Variants in ZNF469 observed in about 807,000 individuals in gnomAD.
The protein encoded by ZNF469 is zinc finger protein 469.
A neutral mutation model predicts 1.0 loss-of-function variants in ZNF469; 1 was observed. That is an observed-to-expected ratio of 1.00 (90% CI 0.35 to 4.73). The LOEUF is 4.73. Among genes scored for constraint, ZNF469 ranks in the 30% most tolerant of loss-of-function variants. The pLI is 0.16. For missense variants in ZNF469, 6,100 were observed against 5,356.3 expected (o/e 1.14, Z -4.33); for synonymous variants, 2,703 against 2,363.4 (o/e 1.14, Z -4.17).
intron 1 of ZNF469, among the ~76,000 whole-genome samples, chr16:88,410,341 G>A (rs1050483719): frequency 1.3e-5 from 2 of 151,754 alleles, no homozygotes; most frequent in African/African-American, 2.4e-5. Flanking sequence ...TCACAGTAAC[G>A]TCTATGATGC....
the ZNF469 span, among the ~76,000 whole-genome samples, chr16:88,313,943 C>G: frequency 6.7e-6 from 1 of 149,272 alleles, no homozygotes; most frequent in South Asian, 2.1e-4. Flanking sequence ...TGTGGGCTGT[C>G]TCTGTAATTA....
At chr16:88,253,711 G>A in the ZNF469 span, among the ~76,000 whole-genome samples, 1 of 151,908 alleles carries the variant, frequency 6.6e-6, no homozygotes, top group Admixed American at 6.6e-5. Context: ...GCTAATTTTT[G>A]TATTTTTAGT....
chr16:88,210,367 T>G, the ZNF469 span, among the ~76,000 whole-genome samples: 7 of 152,106 alleles, frequency 4.6e-5, no homozygotes, highest in Non-Finnish European at 4.4e-5. Flanking sequence ...GCGGTATTTT[T>G]TAACCATGGA....
chr16:88,383,611 CG>C (rs915535659), intron 1 of ZNF469, among the ~76,000 whole-genome samples: 22 of 150,372 alleles, frequency 1.5e-4, no homozygotes, highest in African/African-American at 5.3e-4. Flanking sequence ...GCTCGGGGAG[CG>C]GGACCTCCGG....
chr16:88,231,614 A>G, the ZNF469 span, among the ~76,000 whole-genome samples: 6 of 152,070 alleles, frequency 3.9e-5, no homozygotes, highest in African/African-American at 1.2e-4. The surrounding 1 kb of genome is among the most constrained non-coding windows in gnomAD (Gnocchi z 4.5). Context: ...TCCTCGGCTC[A>G]TGGCCCTTCC....
chr16:88,437,107 G>T lies in ZNF469; in HGVS notation c.9637G>T (p.Asp3213Tyr). The change falls in exon 3 of 3, where the codon GAC becomes TAC. Residue 3213 changes from aspartate to tyrosine, a missense_variant. Asp to Tyr is a radical substitution (Grantham distance 160). Coordinates refer to ENST00000565624, the MANE Select transcript of ZNF469 (RefSeq NM_001367624.2). The part of the protein sequence containing the change: ...RRGQARRSLG[D>Y]LPGGLEGSSA... ...GGGGCAGGCGCGGAGGTCCTTGGGG[G>T]ACCTGCCCGGAGGCCTGGAGGGCAG... 1.3e-6 allele frequency: 2 copies of T among 1,547,238 alleles called. No homozygotes were observed. Among genetic ancestry groups the T allele is most frequent in the South Asian group, 1.2e-5 (1 of 84,014 alleles).
the ZNF469 span, among the ~76,000 whole-genome samples, chr16:88,119,353 G>A: frequency 6.6e-6 from 1 of 152,208 alleles, no homozygotes; most frequent in East Asian, 1.9e-4. Flanking sequence ...GCAGAAGCCT[G>A]GCCGTCCGCA....
intron 1 of ZNF469, among the ~76,000 whole-genome samples, chr16:88,420,617 G>A (rs1428909114): frequency 6.6e-6 from 1 of 152,164 alleles, no homozygotes; most frequent in Non-Finnish European, 1.5e-5. Context: ...ATGGAGACAC[G>A]CCCGAGGAGT....
the ZNF469 span, among the ~76,000 whole-genome samples, chr16:88,164,834 T>G: frequency 1.3e-5 from 2 of 152,166 alleles, no homozygotes; most frequent in East Asian, 3.8e-4. Flanking sequence ...GACTGAATAG[T>G]GCATGAGTCC....
chr16:88,381,058 TCTCA>T (rs1341740104), upstream of ZNF469, among the ~76,000 whole-genome samples: 6 of 59,866 alleles, frequency 1.0e-4, no homozygotes, highest in African/African-American at 2.7e-4. Flanking sequence ...ACAGACACGC[TCTCA>T]CACACAGGCA....
intron 1 of ZNF469, among the ~76,000 whole-genome samples, chr16:88,396,324 C>T (rs2142268846): frequency 6.6e-6 from 1 of 152,364 alleles, no homozygotes. Context: ...CAGCTCCAAA[C>T]TCAAGAGACC....
chr16:88,179,225 C>CA, the ZNF469 span, among the ~76,000 whole-genome samples: 1 of 152,118 alleles, frequency 6.6e-6, no homozygotes, highest in African/African-American at 2.4e-5. Flanking sequence ...GGCCTACGGG[C>CA]GGGGGTTTGG....
chr16:88,160,440 T>G, the ZNF469 span, among the ~76,000 whole-genome samples: 7 of 152,212 alleles, frequency 4.6e-5, no homozygotes, highest in Non-Finnish European at 8.8e-5. Context: ...TGGAATGTGC[T>G]TGGGGAGCAA....
the ZNF469 span, among the ~76,000 whole-genome samples, chr16:88,219,682 G>A: frequency 6.6e-6 from 1 of 151,964 alleles, no homozygotes; most frequent in Non-Finnish European, 1.5e-5. Context: ...GAAAACCTAG[G>A]CATTACCATT....
At chr16:88,199,662 G>T in the ZNF469 span, among the ~76,000 whole-genome samples, 1 of 152,238 alleles carries the variant, frequency 6.6e-6, no homozygotes, top group African/African-American at 2.4e-5. Context: ...TTCCACAGAG[G>T]GTGCTTGGCT....
the ZNF469 span, among the ~76,000 whole-genome samples, chr16:88,377,255 G>A: frequency 5.0e-4 from 76 of 152,262 alleles, no homozygotes; most frequent in Non-Finnish European, 2.9e-4. Context: ...GACTTCCCAG[G>A]GGAGGGGCGT....
the ZNF469 span, among the ~76,000 whole-genome samples, chr16:88,274,710 C>G: frequency 6.5e-3 from 988 of 152,328 alleles, 8 homozygotes; most frequent in African/African-American, 0.022. Context: ...TTTAAAACTA[C>G]AGAATTCAGT....
the ZNF469 span, among the ~76,000 whole-genome samples, chr16:88,133,045 C>A: frequency 3.3e-4 from 51 of 152,302 alleles, no homozygotes; most frequent in African/African-American, 1.2e-3. Context: ...ATGGGAGGGT[C>A]ACCACACACA....
chr16:88,370,438 C>T, the ZNF469 span, among the ~76,000 whole-genome samples: 1 of 152,188 alleles, frequency 6.6e-6, no homozygotes, highest in East Asian at 1.9e-4. Context: ...AATTCAGTAG[C>T]ATGTGCGTGC....
Sources: allele counts gnomAD v4.1 joint callset (sites outside exome capture counted in the v4.1 genomes callset), GRCh38; gene constraint gnomAD v4.1.1; non-coding constraint Gnocchi (gnomAD v3.1); transcripts MANE v1.5; gene names NCBI Gene and HGNC (gene_info 2026-07-23, HGNC 2026-07-21).